Variants in FERRY3 observed in about 807,000 individuals in gnomAD.
The protein encoded by FERRY3 is protein C12orf4.
the FERRY3 span, among the ~76,000 whole-genome samples, chr12:4,514,011 T>C: frequency 1.3e-5 from 2 of 150,722 alleles, no homozygotes. Context: ...AAAGGGCTAA[T>C]ATCCAGAATC....
chr12:4,503,481 A>G, the FERRY3 span, among the ~76,000 whole-genome samples: 1 of 152,088 alleles, frequency 6.6e-6, no homozygotes, highest in East Asian at 1.9e-4. Context: ...CTGGCTTACA[A>G]GTATATAAAT....
chr12:4,525,028 A>C, the FERRY3 span: 1 of 456,210 alleles, frequency 2.2e-6, no homozygotes, highest in Non-Finnish European at 3.8e-6. Flanking sequence ...ATGTATCTAG[A>C]ACATAAAACT....
the FERRY3 span, among the ~76,000 whole-genome samples, chr12:4,530,721 T>C: frequency 7.2e-5 from 11 of 152,244 alleles, no homozygotes; most frequent in African/African-American, 2.6e-4. Context: ...ATTAAAATGA[T>C]GAAGGGACTG....
the FERRY3 span, among the ~76,000 whole-genome samples, chr12:4,512,460 T>C: frequency 6.6e-6 from 1 of 152,254 alleles, no homozygotes; most frequent in Admixed American, 6.5e-5. Flanking sequence ...TAGACCAATA[T>C]CCTTGATGAA....
At chr12:4,500,258 C>A in the FERRY3 span, 4 of 1,613,806 alleles carry the variant, frequency 2.5e-6, no homozygotes, top group Non-Finnish European at 3.4e-6. Context: ...TGATGTTTCC[C>A]GATTTCACAT....
At chr12:4,503,673 G>C in the FERRY3 span, among the ~76,000 whole-genome samples, 1 of 151,876 alleles carries the variant, frequency 6.6e-6, no homozygotes, top group Non-Finnish European at 1.5e-5. Context: ...CTCCTGATTT[G>C]GTTGTAATAC....
the FERRY3 span, among the ~76,000 whole-genome samples, chr12:4,504,295 T>A: frequency 6.6e-6 from 1 of 152,186 alleles, no homozygotes; most frequent in Non-Finnish European, 1.5e-5. Context: ...TAAAGGAGAA[T>A]AAAAAACCAT....
chr12:4,520,339 A>T, the FERRY3 span, among the ~76,000 whole-genome samples: 3 of 152,214 alleles, frequency 2.0e-5, no homozygotes, highest in Non-Finnish European at 4.4e-5. Flanking sequence ...GAGTGGACAA[A>T]GACAACAAAG....
the FERRY3 span, among the ~76,000 whole-genome samples, chr12:4,527,153 C>T: frequency 6.6e-6 from 1 of 151,944 alleles, no homozygotes; most frequent in African/African-American, 2.4e-5. Context: ...TACACATGTT[C>T]CCTCTAGTGG....
the FERRY3 span, among the ~76,000 whole-genome samples, chr12:4,532,812 C>G: frequency 6.6e-6 from 1 of 152,150 alleles, no homozygotes; most frequent in Non-Finnish European, 1.5e-5. Context: ...ACTGTCTTGC[C>G]GATATCCTCA....
the FERRY3 span, among the ~76,000 whole-genome samples, chr12:4,527,627 C>T: frequency 3.5e-3 from 536 of 152,230 alleles, 3 homozygotes; most frequent in African/African-American, 0.011. Flanking sequence ...AATTTCGGGT[C>T]AACCTCCACA....
chr12:4,496,214 A>G, the FERRY3 span, among the ~76,000 whole-genome samples: 1 of 152,242 alleles, frequency 6.6e-6, no homozygotes, highest in Admixed American at 6.5e-5. Flanking sequence ...GCACCTAAAA[A>G]GAATGGCTTT....
At chr12:4,518,738 A>C in the FERRY3 span, 3 of 1,172,728 alleles carry the variant, frequency 2.6e-6, no homozygotes, top group Non-Finnish European at 3.7e-6. Flanking sequence ...CAGAAGTTAC[A>C]ATAAATTATA....
At chr12:4,528,896 TAC>T in the FERRY3 span, among the ~76,000 whole-genome samples, 35,834 of 131,214 alleles carry the variant, frequency 0.27, 5,205 homozygotes, top group Admixed American at 0.43. Context: ...TTAAATCAGT[TAC>T]ACACACACAC....
At chr12:4,531,243 A>C in the FERRY3 span, among the ~76,000 whole-genome samples, 5 of 152,182 alleles carry the variant, frequency 3.3e-5, no homozygotes, top group African/African-American at 1.2e-4. Flanking sequence ...TGTTCTGATA[A>C]CTGTTCATCT....
At chr12:4,504,892 C>A in the FERRY3 span, among the ~76,000 whole-genome samples, 1 of 152,082 alleles carries the variant, frequency 6.6e-6, no homozygotes, top group African/African-American at 2.4e-5. Context: ...CACTTGAGGT[C>A]AGGAGTTCAA....
the FERRY3 span, chr12:4,487,979 A>G: frequency 6.6e-6 from 1 of 152,162 alleles, no homozygotes; most frequent in Non-Finnish European, 1.5e-5. Context: ...GCATCACTAA[A>G]ATTCCCACCA....
At chr12:4,523,897 A>G in the FERRY3 span, among the ~76,000 whole-genome samples, 1 of 152,218 alleles carries the variant, frequency 6.6e-6, no homozygotes, top group Non-Finnish European at 1.5e-5. Flanking sequence ...AACATGGTGC[A>G]TGTATACATA....
chr12:4,506,132 G>GAGACATCTAA, the FERRY3 span, among the ~76,000 whole-genome samples: 2 of 151,940 alleles, frequency 1.3e-5, no homozygotes, highest in African/African-American at 4.8e-5. Flanking sequence ...TTTAATAAAA[G>GAGACATCTAA]AGACATCTAA....
Sources: allele counts gnomAD v4.1 joint callset (sites outside exome capture counted in the v4.1 genomes callset), GRCh38; gene constraint gnomAD v4.1.1; transcripts MANE v1.5; gene names NCBI Gene and HGNC (gene_info 2026-07-23, HGNC 2026-07-21).